ASIC2: variants seen among roughly 807,000 people sequenced by gnomAD.
ASIC2 encodes the protein acid-sensing ion channel 2.
In ASIC2, 25 loss-of-function variants were observed where a neutral mutation model predicts 57.3. The ratio of observed to expected loss-of-function variants is 0.44; its 90% CI spans 0.32 to 0.61. The LOEUF is 0.61. Ranked by LOEUF, ASIC2 falls within the 20% of genes least tolerant of loss-of-function variation. The pLI is 0.06. For synonymous variants in ASIC2, 319 were observed against 307.5 expected (o/e 1.04, Z -0.39); for missense variants, 641 against 738.1 (o/e 0.87, Z 1.52).
intron 1 of ASIC2, among the ~76,000 whole-genome samples, chr17:33,994,984 T>C (rs977832507): frequency 1.1e-4 from 16 of 152,290 alleles, no homozygotes; most frequent in African/African-American, 3.8e-4. Context: ...AGACCCTTCC[T>C]AGCATTGGGG....
At chr17:33,160,906 G>A (rs900083475) in intron 1 of ASIC2, among the ~76,000 whole-genome samples, 1 of 152,132 alleles carries the variant, frequency 6.6e-6, no homozygotes, top group Admixed American at 6.5e-5. Flanking sequence ...GGACAACTGG[G>A]GCAAAGACAG....
intron 1 of ASIC2, among the ~76,000 whole-genome samples, chr17:34,063,901 C>G (rs1450825032): frequency 6.6e-6 from 1 of 152,184 alleles, no homozygotes; most frequent in Admixed American, 6.6e-5. Flanking sequence ...GAAACACATT[C>G]CATGCTCATG....
intron 1 of ASIC2, among the ~76,000 whole-genome samples, chr17:33,658,045 T>C (rs966733489): frequency 6.6e-6 from 1 of 152,174 alleles, no homozygotes; most frequent in Non-Finnish European, 1.5e-5. Flanking sequence ...ACAAAGACTT[T>C]GGGCTGAAGG....
chr17:33,599,262 G>A lies in ASIC2; in HGVS notation c.556-487195C>T, dbSNP rs1358846252. 3.3e-5 allele frequency among the ~76,000 whole-genome samples: 5 copies of A among 152,200 alleles called. No individual in the cohort carries two copies. The East Asian group carries it at 9.6e-4, about 29-fold the overall frequency. ...TTGCTAAGAACAGGCCTATTTTGTG[G>A]TCTGGGGAACAAAAGATACCTCTTG... On this transcript the variant is annotated intron_variant, in intron 1 of 9. Coordinates refer to the ASIC2 transcript ENST00000359872.
intron 1 of ASIC2, among the ~76,000 whole-genome samples, chr17:34,110,783 T>C (rs1469499535): frequency 6.6e-6 from 1 of 152,234 alleles, no homozygotes; most frequent in East Asian, 1.9e-4. Context: ...ATTAGTCAGA[T>C]ATGGCTTACC....
At chr17:33,823,407 T>C (rs1377555031) in intron 1 of ASIC2, among the ~76,000 whole-genome samples, 1 of 151,254 alleles carries the variant, frequency 6.6e-6, no homozygotes. Flanking sequence ...AGTAGATGTG[T>C]ATCTCGAGTC....
chr17:34,084,162 C>T (rs962250056), intron 1 of ASIC2, among the ~76,000 whole-genome samples: 23 of 151,794 alleles, frequency 1.5e-4, no homozygotes, highest in Non-Finnish European at 3.1e-4. Flanking sequence ...TTAGGTCTAA[C>T]GTTTAAGTCT....
At chr17:33,071,829 G>C (rs1256163424) in intron 3 of ASIC2, among the ~76,000 whole-genome samples, 2 of 152,108 alleles carry the variant, frequency 1.3e-5, no homozygotes, top group African/African-American at 4.8e-5. Flanking sequence ...AGACCCTTGT[G>C]GATACTTTAC....
intron 1 of ASIC2, among the ~76,000 whole-genome samples, chr17:34,133,912 A>G (rs1000114538): frequency 6.6e-6 from 1 of 152,196 alleles, no homozygotes; most frequent in African/African-American, 2.4e-5. Context: ...ACTGCTAAGC[A>G]TAGTGTAATG....
In ASIC2 at chr17:34,149,132, T is replaced by C. The variant is rs148538608; in HGVS notation, c.555+6846A>G. Among the ~76,000 whole-genome samples the C allele has an allele frequency of 1.1e-4, 16 of 139,642 alleles. No homozygotes were observed. The East Asian group carries it at 2.4e-3, about 21-fold the overall frequency. The allele number at this position is 139,642 out of a possible 152,430, so 91.6% of individuals were successfully genotyped here. A position where few individuals can be genotyped will look rare whatever the true frequency, so the allele number is the denominator to read the frequency against. On this transcript the variant is annotated intron_variant, in intron 1 of 9. Coordinates refer to the ASIC2 transcript ENST00000359872. ...TTCTTTTCTTTTTTTTTTGAGACAG[T>C]GTCTCGCTCTGTTGCCCAGGCTGGA... is the stretch of plus-strand genomic sequence containing the variant.
chr17:33,448,978 A>C (rs1912144410), intron 1 of ASIC2, among the ~76,000 whole-genome samples: 1 of 152,224 alleles, frequency 6.6e-6, no homozygotes, highest in Non-Finnish European at 1.5e-5. Context: ...GGTCTTGAAG[A>C]ATTTACCTCT....
rs1424969029 is a variant in ASIC2 at position 33,363,174 on chromosome 17, A to G, written c.556-251107T>C. 2.0e-5 allele frequency among the ~76,000 whole-genome samples: 3 copies of G among 152,176 alleles called. No homozygotes were observed. In the South Asian group the frequency reaches 6.2e-4, roughly 32 times the overall value. On this transcript the variant is annotated intron_variant, in intron 1 of 9. Transcript: ENST00000359872. ...AAAGAGGTCACTAGTAAACTTTTAC[A>G]TTTCAAAAGACTGCCATTTTCCAAG...
At chr17:33,329,853 A>T (rs1010621499) in intron 1 of ASIC2, among the ~76,000 whole-genome samples, 2 of 152,140 alleles carry the variant, frequency 1.3e-5, no homozygotes, top group African/African-American at 4.8e-5. Flanking sequence ...CAGGTAGGTC[A>T]TTGGATCTGT....
chr17:34,077,604 G>C (rs553015349), intron 1 of ASIC2, among the ~76,000 whole-genome samples: 1 of 152,186 alleles, frequency 6.6e-6, no homozygotes, highest in African/African-American at 2.4e-5. Flanking sequence ...AAGCTATTAG[G>C]GGAAGGATTT....
At chr17:34,053,862 T>C (rs774264666) in intron 1 of ASIC2, among the ~76,000 whole-genome samples, 4 of 152,210 alleles carry the variant, frequency 2.6e-5, no homozygotes, top group Non-Finnish European at 4.4e-5. Context: ...CAGATATTGT[T>C]GGTGTGCTCC....
intron 1 of ASIC2, among the ~76,000 whole-genome samples, chr17:33,441,518 T>C (rs1215177701): frequency 2.0e-5 from 3 of 152,188 alleles, no homozygotes; most frequent in Non-Finnish European, 4.4e-5. Flanking sequence ...TATTGTTTTG[T>C]ATTGATGGGG....
At chr17:33,955,972 G>A (rs1904722016) in intron 1 of ASIC2, among the ~76,000 whole-genome samples, 1 of 152,022 alleles carries the variant, frequency 6.6e-6, no homozygotes, top group Non-Finnish European at 1.5e-5. Flanking sequence ...TATCTCTTGA[G>A]TGGCCATTGA....
chr17:34,091,027 C>G (rs947267562), intron 1 of ASIC2, among the ~76,000 whole-genome samples: 4 of 152,238 alleles, frequency 2.6e-5, no homozygotes, highest in African/African-American at 9.6e-5. Flanking sequence ...CAACCTGGGC[C>G]TCAGTTCTTC....
intron 1 of ASIC2, among the ~76,000 whole-genome samples, chr17:33,647,687 T>C (rs1291136942): frequency 6.6e-6 from 1 of 152,222 alleles, no homozygotes; most frequent in Non-Finnish European, 1.5e-5. Flanking sequence ...TCCTTCTCAG[T>C]AACTCTAAAG....
Sources: allele counts gnomAD v4.1 joint callset (sites outside exome capture counted in the v4.1 genomes callset), GRCh38; gene constraint gnomAD v4.1.1; transcripts MANE v1.5; gene names NCBI Gene and HGNC (gene_info 2026-07-23, HGNC 2026-07-21).